Variants in SEC11A observed in about 807,000 individuals in gnomAD.
The protein encoded by SEC11A is signal peptidase complex catalytic subunit SEC11A.
In SEC11A, 14 loss-of-function variants were observed where a neutral mutation model predicts 25.6. The ratio of observed to expected loss-of-function variants is 0.55; its 90% CI spans 0.36 to 0.85. SEC11A has a LOEUF of 0.85. Among genes scored for constraint, SEC11A ranks in the 40% least tolerant of loss-of-function variants. SEC11A has a pLI of 0.01. For missense variants in SEC11A, 153 were observed against 222.9 expected, an observed-to-expected ratio of 0.69 and a Z score of 2.00; for synonymous variants, 83 against 76.4, an observed-to-expected ratio of 1.09 and a Z score of -0.45.
chr15:84,692,971 G>T (rs903432311), intron 1 of SEC11A, among the ~76,000 whole-genome samples: 1 of 151,850 alleles, frequency 6.6e-6, no homozygotes, highest in Admixed American at 6.6e-5. Flanking sequence ...TCAGCCTCCC[G>T]AGTAGCCAGA....
intron 1 of SEC11A, among the ~76,000 whole-genome samples, chr15:84,708,083 C>T (rs376467631): frequency 2.6e-5 from 4 of 151,684 alleles, no homozygotes; most frequent in South Asian, 4.2e-4. Flanking sequence ...TGGTGGCACA[C>T]GCCTGTAATC....
intron 1 of SEC11A, among the ~76,000 whole-genome samples, chr15:84,700,720 C>G (rs1596080688): frequency 6.7e-6 from 1 of 149,050 alleles, no homozygotes; most frequent in Non-Finnish European, 1.5e-5. Context: ...GTGGCTCACA[C>G]CTGTAATCCC....
rs559005012 is a variant in SEC11A, at chr15:84,674,567, T to A, written c.432-3785A>T. ...AATCCATGGAATTTAAAAAAAAAAA[T>A]TTTTTTTTTGATACATGATCTTACT... On this transcript the variant is annotated intron_variant, in intron 4 of 5. Transcript: ENST00000268220. Among the ~76,000 whole-genome samples the A allele has an allele frequency of 6.8e-3, 1,019 of 149,194 alleles. 4 individuals are homozygous for A. The highest frequency in any genetic ancestry group is 0.011 in the African/African-American group (430 of 39,880).
intron 1 of SEC11A, among the ~76,000 whole-genome samples, chr15:84,713,165 G>C (rs1898339608): frequency 6.8e-6 from 1 of 148,080 alleles, no homozygotes; most frequent in Admixed American, 6.8e-5. Flanking sequence ...CTGCACTCCA[G>C]CCTGGGCAAC....
chr15:84,706,934 T>C (rs1241112061), intron 1 of SEC11A, among the ~76,000 whole-genome samples: 1 of 152,196 alleles, frequency 6.6e-6, no homozygotes, highest in South Asian at 2.1e-4. Flanking sequence ...GCTAGCAGAA[T>C]TCAGCTCTTC....
In SEC11A at chr15:84,687,656, T is replaced by C. The variant is rs1474087191; in HGVS notation, c.280A>G (p.Ile94Val). 1.9e-6 allele frequency: 3 copies of C among 1,590,722 alleles called. No individual in the cohort carries two copies. The highest frequency in any genetic ancestry group is 1.4e-5 in the African/African-American group (1 of 73,212). ...TGAATCTTCAAGACTCGGTGAACTA[T>C]AGGAATCTCTCTTCCTTCTATCCTA... ...VFRIEGREIPIVHRVLKIHEK... is the reference protein window; with the variant it reads ...VFRIEGREIPVVHRVLKIHEK... Residue 94 changes from isoleucine (I) to valine (V), a missense_variant, in exon 3 of 6, where the codon ATA becomes GTA. Coordinates refer to ENST00000268220, the MANE Select transcript of SEC11A (RefSeq NM_014300.4).
chr15:84,673,935 AT>A (rs1283105614), intron 4 of SEC11A: 2 of 152,090 alleles, frequency 1.3e-5, no homozygotes, highest in East Asian at 1.9e-4. Context: ...AATAAAAAAA[AT>A]AAATAAAAAT....
intron 1 of SEC11A, among the ~76,000 whole-genome samples, chr15:84,710,402 G>A (rs540766620): frequency 1.5e-3 from 229 of 152,284 alleles, no homozygotes; most frequent in Admixed American, 5.1e-3. Context: ...GGGAGGCCAA[G>A]GCAGGCGGAT....
At chr15:84,704,466 G>A (rs118073455) in intron 1 of SEC11A, among the ~76,000 whole-genome samples, 3,671 of 152,194 alleles carry the variant, frequency 0.024, 69 homozygotes, top group Non-Finnish European at 0.037. Flanking sequence ...TACTCAAGCT[G>A]AATCCTATAA....
chr15:84,712,366 T>C (rs1898302872), intron 1 of SEC11A, among the ~76,000 whole-genome samples: 1 of 152,100 alleles, frequency 6.6e-6, no homozygotes, highest in Non-Finnish European at 1.5e-5. Flanking sequence ...CATTCATTGC[T>C]GGTGAAAGGC....
chr15:84,689,085 G>A (rs1421023353), intron 2 of SEC11A, among the ~76,000 whole-genome samples: 2 of 151,520 alleles, frequency 1.3e-5, no homozygotes, highest in Non-Finnish European at 2.9e-5. Flanking sequence ...AAAAGAAACT[G>A]GGGGCCAGGC....
In SEC11A at chr15:84,669,619, T is replaced by G. The variant is rs1176042412; in HGVS notation, c.*400A>C. The G allele has an allele frequency of 1.1e-5, 2 of 186,398 alleles. No homozygotes were observed. Among genetic ancestry groups the G allele is most frequent in the Non-Finnish European group, 2.3e-5 (2 of 88,776 alleles). The allele number at this position is 186,398 out of a possible 1,614,324, so 11.5% of individuals were successfully genotyped here. ...CCACCTCAGTATATGCCATTCCTAA[T>G]AGAAGGAGGTATGACGGTTTCAAAC... is the stretch of plus-strand genomic sequence containing the variant. On this transcript the variant is annotated 3_prime_UTR_variant, in exon 6 of 6. Transcript: ENST00000268220.
intron 4 of SEC11A, among the ~76,000 whole-genome samples, chr15:84,676,734 T>C (rs947596878): frequency 4.0e-5 from 6 of 148,754 alleles, no homozygotes; most frequent in African/African-American, 1.5e-4. Context: ...TGCAGTGAGC[T>C]AAGATAGCAC....
chr15:84,697,813 C>G (rs927545581), intron 1 of SEC11A, among the ~76,000 whole-genome samples: 1 of 152,106 alleles, frequency 6.6e-6, no homozygotes, highest in African/African-American at 2.4e-5. Context: ...CCACATCAAG[C>G]TAACTATTAA....
At chr15:84,675,175 T>C (rs1164702565) in intron 4 of SEC11A, among the ~76,000 whole-genome samples, 3 of 152,182 alleles carry the variant, frequency 2.0e-5, no homozygotes, top group Non-Finnish European at 4.4e-5. Flanking sequence ...AGGTTTAAAG[T>C]AAGTAAAATG....
chr15:84,676,316 A>T (rs1297998471), intron 4 of SEC11A, among the ~76,000 whole-genome samples: 1 of 151,978 alleles, frequency 6.6e-6, no homozygotes, highest in Non-Finnish European at 1.5e-5. Context: ...AATACAAAAA[A>T]TTAGGTGGGC....
chr15:84,676,222 C>T (rs1413350305), intron 4 of SEC11A, among the ~76,000 whole-genome samples: 2 of 151,928 alleles, frequency 1.3e-5, no homozygotes, highest in Non-Finnish European at 2.9e-5. Flanking sequence ...TAGGCCTCAA[C>T]ATAAAATTTT....
chr15:84,686,284 A>G (rs1759078150), intron 3 of SEC11A, among the ~76,000 whole-genome samples: 1 of 152,246 alleles, frequency 6.6e-6, no homozygotes, highest in South Asian at 2.1e-4. Flanking sequence ...AGGAATTTCA[A>G]AAAGCAATGG....
At chr15:84,698,498 T>A (rs181085422) in intron 1 of SEC11A, among the ~76,000 whole-genome samples, 3 of 152,172 alleles carry the variant, frequency 2.0e-5, no homozygotes, top group Admixed American at 6.6e-5. Flanking sequence ...AGAAGTGAAA[T>A]TGACGGTGCT....
Sources: allele counts gnomAD v4.1 joint callset (sites outside exome capture counted in the v4.1 genomes callset), GRCh38; gene constraint gnomAD v4.1.1; transcripts MANE v1.5; gene names NCBI Gene and HGNC (gene_info 2026-07-23, HGNC 2026-07-21).